Variants in STK26 observed in about 807,000 individuals in gnomAD.
The protein encoded by STK26 is serine/threonine-protein kinase 26.
Under a neutral mutation model 34.7 loss-of-function variants are expected in STK26, and 14 were observed. The ratio of observed to expected loss-of-function variants is 0.40; its 90% CI spans 0.27 to 0.63. The LOEUF (loss-of-function observed/expected upper bound fraction) is 0.63, where lower values mean the gene tolerates loss of function less well. STK26 is among the 30% of genes least tolerant of loss of function. The probability of loss-of-function intolerance (pLI) is 0.38; values close to 1 mark genes in which losing one functional copy is unlikely to be tolerated. For missense variants in STK26, 226 were observed against 309.1 expected, an observed-to-expected ratio of 0.73 and a Z score of 2.02; for synonymous variants, 100 against 109.8, an observed-to-expected ratio of 0.91 and a Z score of 0.56.
intron 2 of STK26, among the ~76,000 whole-genome samples, chrX:132,049,133 C>T (rs781422614): frequency 9.0e-6 from 1 of 110,899 alleles, no homozygotes; most frequent in South Asian, 3.9e-4. Flanking sequence ...CACGTGCCAC[C>T]ATGCCTGGCT....
At chrX:132,053,750 T>A (rs1380543506) in intron 2 of STK26, among the ~76,000 whole-genome samples, 2 of 111,904 alleles carry the variant, frequency 1.8e-5, no homozygotes, top group Non-Finnish European at 3.8e-5. Flanking sequence ...TTCTACTTGA[T>A]CAGCAGTATA....
chrX:132,068,830 C>T (rs1927305039), intron 6 of STK26, among the ~76,000 whole-genome samples: 1 of 111,141 alleles, frequency 9.0e-6, no homozygotes, highest in African/African-American at 3.3e-5. Context: ...CACAATCTGG[C>T]CATTATCTGC....
At chrX:132,030,114 T>C (rs764117840) in intron 2 of STK26, among the ~76,000 whole-genome samples, 240 of 112,178 alleles carry the variant, frequency 2.1e-3, no homozygotes, top group Non-Finnish European at 3.5e-3. Flanking sequence ...CAATGTAGAC[T>C]CTATACTTAT....
intron 9 of STK26, 86 bp downstream of exon 9, chrX:132,072,447 T>G: frequency 2.6e-6 from 2 of 766,354 alleles, no homozygotes; most frequent in Non-Finnish European, 3.9e-6. Flanking sequence ...TTGTTAGGAT[T>G]GAATACCCCT....
Position 132,023,534 on chromosome X carries a change from C to T in STK26, c.-84C>T. ...CCCCGATCGAAAAGCCTGGGAGGGCCGCCGAACTACCCCCGGAGGGAGGAG... is the reference window on the plus strand; with the variant it reads ...CCCCGATCGAAAAGCCTGGGAGGGCTGCCGAACTACCCCCGGAGGGAGGAG... On this transcript the variant is annotated 5_prime_UTR_variant, in exon 2 of 12. Transcript: ENST00000394334. 9.0e-7 allele frequency: 1 copy of T among 1,109,523 alleles called. No individual in the cohort carries two copies. The highest frequency in any genetic ancestry group is 1.8e-5 in the African/African-American group (1 of 55,413). The allele number at this position is 1,109,523 out of a possible 1,213,427, so 91.4% of individuals were successfully genotyped here.
intron 2 of STK26, among the ~76,000 whole-genome samples, chrX:132,050,049 A>G (rs1293070651): frequency 1.8e-5 from 2 of 110,793 alleles, no homozygotes; most frequent in Non-Finnish European, 3.8e-5. Context: ...AGGTAGTTCA[A>G]ATTCAAAGAA....
At chrX:132,033,253 C>A (rs1221586072) in intron 2 of STK26, among the ~76,000 whole-genome samples, 1 of 111,208 alleles carries the variant, frequency 9.0e-6, no homozygotes, top group African/African-American at 3.3e-5. Flanking sequence ...ATTATCGCTG[C>A]CCACTAGAGC....
At chrX:132,051,035 T>G (rs1196450186) in intron 2 of STK26, among the ~76,000 whole-genome samples, 2 of 111,682 alleles carry the variant, frequency 1.8e-5, no homozygotes, top group Non-Finnish European at 3.8e-5. Flanking sequence ...ATATAGGTAG[T>G]TCTAATTTAT....
Position 132,074,241 on chromosome X carries a change from T to C in STK26, c.*82T>C. The C allele has an allele frequency of 1.0e-6, 1 of 970,855 alleles. No individual in the cohort carries two copies. Among genetic ancestry groups the C allele is most frequent in the Non-Finnish European group, 1.4e-6 (1 of 703,204 alleles). The allele number at this position is 970,855 out of a possible 1,213,427, so 80.0% of individuals were successfully genotyped here. A position where few individuals can be genotyped will look rare whatever the true frequency, so the allele number is the denominator to read the frequency against. The stretch of plus-strand genomic sequence containing the variant: ...GTCAAGATTAACAATGCTTAACCCA[T>C]GAGCTCCATGTGCCTTTTGGATCTT... On this transcript the variant is annotated 3_prime_UTR_variant, in exon 12 of 12. Coordinates refer to ENST00000394334, the MANE Select transcript of STK26 (RefSeq NM_016542.4).
intron 2 of STK26, among the ~76,000 whole-genome samples, chrX:132,031,341 T>A (rs1925831078): frequency 8.9e-6 from 1 of 112,190 alleles, no homozygotes; most frequent in African/African-American, 3.2e-5. Flanking sequence ...CTGTGAACAT[T>A]CCAAATCCTC....
intron 2 of STK26, among the ~76,000 whole-genome samples, chrX:132,049,615 C>T (rs1051319556): frequency 1.8e-5 from 2 of 112,097 alleles, no homozygotes; most frequent in South Asian, 7.4e-4. Flanking sequence ...TAGTTGCTCT[C>T]TGTGATTGTC....
rs1925858761 is a variant in STK26, at chrX:132,032,024, T to C, written c.42+8365T>C. 3.6e-5 allele frequency among the ~76,000 whole-genome samples: 4 copies of C among 111,153 alleles called. No homozygotes were observed. In the South Asian group the frequency reaches 1.5e-3, roughly 42 times the overall value. The stretch of plus-strand genomic sequence containing the variant: ...CCAGAAAACCTATATATGGAACATA[T>C]CCTGTCCTCCATTCCTGCCTGCCTC... On this transcript the variant is annotated intron_variant, in intron 2 of 11. Transcript: ENST00000394334.
At chrX:132,061,523 A>G (rs1385207461) in intron 3 of STK26, among the ~76,000 whole-genome samples, 4 of 112,220 alleles carry the variant, frequency 3.6e-5, no homozygotes, top group Non-Finnish European at 7.5e-5. Flanking sequence ...CTGGCCATCT[A>G]TGTCAGGACA....
Position 132,073,037 on chromosome X carries a change from C to T in STK26, c.1170C>T (p.Ala390=), listed in dbSNP as rs374158091. The T allele has an allele frequency of 7.4e-6, 9 of 1,209,424 alleles. 1 individual carries two copies. Among genetic ancestry groups the T allele is most frequent in the South Asian group, 7.1e-5 (4 of 56,494 alleles). The change falls in exon 11 of 12, where the codon GCC becomes GCT. Residue 390 remains alanine (A), a synonymous_variant. Transcript: ENST00000394334. The part of the protein sequence containing the change: ...ELEKSIAVAE[A]ACPGITDKMV... ...AGAAAAGTATTGCTGTGGCTGAAGC[C>T]GCCTGTCCCGGCATCACAGATAAAA... is the stretch of plus-strand genomic sequence containing the variant.
chrX:132,070,942 GT>G, intron 7 of STK26, 126 bp from the exon 8 acceptor site: 1 of 686,096 alleles, frequency 1.5e-6, no homozygotes, highest in Admixed American at 4.2e-5. Context: ...CATTTTAGTT[GT>G]TCTTATGTCT....
At chrX:132,029,442 G>C (rs894325185) in intron 2 of STK26, among the ~76,000 whole-genome samples, 1 of 110,843 alleles carries the variant, frequency 9.0e-6, no homozygotes, top group Non-Finnish European at 1.9e-5. Flanking sequence ...TGTATGGGGG[G>C]CAGTTCATCC....
At chrX:132,031,461 C>CT (rs1925835508) in intron 2 of STK26, among the ~76,000 whole-genome samples, 1 of 112,272 alleles carries the variant, frequency 8.9e-6, no homozygotes, top group South Asian at 3.7e-4. Flanking sequence ...TGTTAGTTCA[C>CT]CAATCTGTCC....
chrX:132,049,215 G>A (rs1199705128), intron 2 of STK26, among the ~76,000 whole-genome samples: 2 of 111,779 alleles, frequency 1.8e-5, no homozygotes, highest in Non-Finnish European at 3.8e-5. Flanking sequence ...GGACTCAGCT[G>A]AGCTCAAATG....
chrX:132,041,766 C>T (rs1859890624), intron 2 of STK26, among the ~76,000 whole-genome samples: 1 of 110,572 alleles, frequency 9.0e-6, no homozygotes, highest in Non-Finnish European at 1.9e-5. Flanking sequence ...AAAAGATCAA[C>T]TTTTGTATAT....
Sources: allele counts gnomAD v4.1 joint callset (sites outside exome capture counted in the v4.1 genomes callset), GRCh38; gene constraint gnomAD v4.1.1; transcripts MANE v1.5; gene names NCBI Gene and HGNC (gene_info 2026-07-23, HGNC 2026-07-21).